The following PPARG variants were observed in gnomAD, a reference collection of about 807,000 sequenced individuals.
PPARG encodes peroxisome proliferator-activated receptor gamma.
Under a neutral mutation model 39.2 loss-of-function variants are expected in PPARG, and 17 were observed. The observed-to-expected ratio is 0.43, with a 90% CI of 0.30 to 0.65. The LOEUF is 0.65. Among genes scored for constraint, PPARG ranks in the 30% least tolerant of loss-of-function variants. The probability of loss-of-function intolerance (pLI) is 0.13; values close to 1 mark genes in which losing one functional copy is unlikely to be tolerated. For synonymous variants in PPARG, 223 were observed against 215.7 expected, an observed-to-expected ratio of 1.03 and a Z score of -0.30; for missense variants, 406 against 585.9, an observed-to-expected ratio of 0.69 and a Z score of 3.17.
chr3:12,397,207 T>C (rs2050294778), intron 5 of PPARG, among the ~76,000 whole-genome samples: 1 of 151,876 alleles, frequency 6.6e-6, no homozygotes, highest in African/African-American at 2.4e-5. Context: ...TCAAAATAGT[T>C]TCTCAGTGGC....
intron 2 of PPARG, among the ~76,000 whole-genome samples, chr3:12,313,344 A>T (rs115527125): frequency 1.4e-4 from 22 of 152,318 alleles, no homozygotes; most frequent in African/African-American, 5.3e-4. Flanking sequence ...GTGACTCCCC[A>T]GTAGCAAACT....
At chr3:12,301,790 A>C (rs768624736) in intron 1 of PPARG, 3 of 152,196 alleles carry the variant, frequency 2.0e-5, no homozygotes, top group Non-Finnish European at 2.9e-5. Context: ...TGCTAGACAC[A>C]AGCAGATGCT....
chr3:12,433,888 G>A lies in PPARG; in HGVS notation c.1181-10G>A. 6.2e-7 allele frequency: 1 copy of A among 1,613,964 alleles called. No homozygotes were observed. Among genetic ancestry groups the A allele is most frequent in the Non-Finnish European group, 8.5e-7 (1 of 1,180,034 alleles). ...ACCCCCTGTTGTGTTTTCCATATGT[G>A]CTTCCCCAGACCGCCCAGGTTTGCT... On this transcript the variant is annotated splice_polypyrimidine_tract_variant and intron_variant, in intron 7 of 7. Coordinates refer to ENST00000651735, the MANE Select transcript of PPARG (RefSeq NM_138711.6).
At chr3:12,392,809 G>T in intron 5 of PPARG, 57 bp downstream of exon 5, 1 of 1,605,900 alleles carries the variant, frequency 6.2e-7, no homozygotes, top group Admixed American at 1.7e-5. Context: ...TGCCAGACCA[G>T]TGGACACTAA....
At chr3:12,295,470 A>AT (rs1293552036) in intron 1 of PPARG, among the ~76,000 whole-genome samples, 2 of 151,934 alleles carry the variant, frequency 1.3e-5, no homozygotes, top group African/African-American at 4.8e-5. Flanking sequence ...TAAAAGCAAT[A>AT]TAATGTATTT....
intron 2 of PPARG, among the ~76,000 whole-genome samples, chr3:12,333,526 G>A (rs2047920682): frequency 6.6e-6 from 1 of 152,090 alleles, no homozygotes; most frequent in African/African-American, 2.4e-5. Flanking sequence ...GTGCAGTGGT[G>A]CCATCGTGGC....
At chr3:12,337,788 C>T (rs2048056784) in intron 2 of PPARG, among the ~76,000 whole-genome samples, 1 of 151,966 alleles carries the variant, frequency 6.6e-6, no homozygotes. Flanking sequence ...AATAGCAATA[C>T]AATAATTAAA....
upstream of PPARG, chr3:12,287,408 C>T (rs1387351588): frequency 6.6e-6 from 1 of 152,242 alleles, no homozygotes; most frequent in South Asian, 2.1e-4. Context: ...TGCAGCACCA[C>T]CGATCAGAAG....
chr3:12,406,462 C>A, intron 6 of PPARG: 1 of 264,086 alleles, frequency 3.8e-6, no homozygotes. Context: ...CTGGGAAGAA[C>A]CCGACCTAGG....
At chr3:12,389,166 T>C (rs1022173094) in intron 4 of PPARG, among the ~76,000 whole-genome samples, 2 of 152,198 alleles carry the variant, frequency 1.3e-5, no homozygotes, top group Non-Finnish European at 2.9e-5. Context: ...TTGTTTTTAC[T>C]TTTGCCAGTG....
chr3:12,326,517 A>G (rs1348932950), intron 2 of PPARG, among the ~76,000 whole-genome samples: 16 of 152,216 alleles, frequency 1.1e-4, no homozygotes, highest in Admixed American at 4.6e-4. Context: ...TACTTTCCAG[A>G]ATATTAACAG....
intron 6 of PPARG, among the ~76,000 whole-genome samples, chr3:12,409,874 A>C (rs2050817199): frequency 6.6e-6 from 1 of 151,896 alleles, no homozygotes. Flanking sequence ...GCAGACCAGG[A>C]CTCCTTCCCC....
intron 2 of PPARG, among the ~76,000 whole-genome samples, chr3:12,331,257 G>A (rs1461950043): frequency 2.0e-5 from 3 of 152,282 alleles, no homozygotes; most frequent in South Asian, 2.1e-4. Flanking sequence ...AATGAGAGCA[G>A]TTGCATAGGA....
At chr3:12,328,028 C>T (rs1300800373) in intron 2 of PPARG, 27 of 1,282,340 alleles carry the variant, frequency 2.1e-5, no homozygotes, top group South Asian at 1.1e-4. Context: ...CTAAACAGAA[C>T]GAAAAAGCAT....
chr3:12,329,646 G>C (rs2047794556), intron 2 of PPARG, among the ~76,000 whole-genome samples: 1 of 151,986 alleles, frequency 6.6e-6, no homozygotes, highest in Admixed American at 6.6e-5. Context: ...ATATATTTAA[G>C]ATAAAATTTA....
intron 2 of PPARG, among the ~76,000 whole-genome samples, chr3:12,373,680 A>G (rs183613022): frequency 1.2e-4 from 19 of 152,278 alleles, no homozygotes; most frequent in Admixed American, 1.2e-3. Flanking sequence ...AAAACTGTGC[A>G]TAGAATATGC....
At chr3:12,314,888 G>C (rs35917766) in intron 2 of PPARG, among the ~76,000 whole-genome samples, 38,371 of 151,814 alleles carry the variant, frequency 0.25, 4,964 homozygotes, top group East Asian at 0.33. Context: ...ATTTCAATAC[G>C]TGCATACAAT....
chr3:12,398,109 C>T (rs913992694), intron 5 of PPARG, among the ~76,000 whole-genome samples: 1 of 151,998 alleles, frequency 6.6e-6, no homozygotes, highest in African/African-American at 2.4e-5. Context: ...TTCATACCTT[C>T]CTGTGATATC....
intron 2 of PPARG, among the ~76,000 whole-genome samples, chr3:12,359,692 T>TTTG (rs2048777018): frequency 6.7e-6 from 1 of 149,814 alleles, no homozygotes. Flanking sequence ...TTTTTTTTTT[T>TTTG]GAGACAGAGT....
Sources: allele counts gnomAD v4.1 joint callset (sites outside exome capture counted in the v4.1 genomes callset), GRCh38; gene constraint gnomAD v4.1.1; transcripts MANE v1.5; gene names NCBI Gene and HGNC (gene_info 2026-07-23, HGNC 2026-07-21).